BACH2: variants seen among roughly 807,000 people sequenced by gnomAD.
BACH2 encodes transcription regulator protein BACH2.
Under a neutral mutation model 61.8 loss-of-function variants are expected in BACH2, and 5 were observed. The ratio of observed to expected loss-of-function variants is 0.08; its 90% CI spans 0.04 to 0.17. BACH2 has a LOEUF of 0.17. Ranked by LOEUF, BACH2 falls within the 10% of genes least tolerant of loss-of-function variation. The pLI is 1.00. For synonymous variants in BACH2, 446 were observed against 440.1 expected (o/e 1.01, Z -0.17); for missense variants, 824 against 1,091.1 (o/e 0.76, Z 3.45).
At chr6:90,179,809 T>C (rs1020815657) in intron 4 of BACH2, among the ~76,000 whole-genome samples, 33 of 152,230 alleles carry the variant, frequency 2.2e-4, no homozygotes, top group Non-Finnish European at 4.1e-4. Context: ...GCAATCCCAC[T>C]CCTGGGAACC....
In BACH2 at chr6:90,082,670, C is replaced by T. The variant is rs9451346; in HGVS notation, c.-13+6291G>A. Among the ~76,000 whole-genome samples, 1,085 of 152,248 alleles carry T rather than the reference C, an allele frequency of 7.1e-3. 16 individuals carry two copies. The highest frequency in any genetic ancestry group is 0.023 in the African/African-American group (969 of 41,546). On this transcript the variant is annotated intron_variant, in intron 5 of 8. Transcript: ENST00000257749. ...CCAGATTATAGGTAATTTATCTCTA[C>T]CTTTATTCAATTTTCTGCTATTTTA...
chr6:90,101,492 C>CTTTCCTCATCAAAT (rs1782625717), intron 4 of BACH2, among the ~76,000 whole-genome samples: 1 of 152,296 alleles, frequency 6.6e-6, no homozygotes, highest in South Asian at 2.1e-4. Flanking sequence ...GTTGAAAAGA[C>CTTTCCTCATCAAAT]TGTTCTTTCC....
At chr6:90,229,736 T>C (rs1770033843) in intron 3 of BACH2, among the ~76,000 whole-genome samples, 1 of 152,244 alleles carries the variant, frequency 6.6e-6, no homozygotes, top group Non-Finnish European at 1.5e-5. Flanking sequence ...TGGTGTAGCA[T>C]ACAGTCTTTA....
chr6:90,189,532 C>T (rs1329958291), intron 4 of BACH2, among the ~76,000 whole-genome samples: 1 of 146,990 alleles, frequency 6.8e-6, no homozygotes, highest in African/African-American at 2.5e-5. Context: ...GGCGTGAACC[C>T]GGGAAGCGGA....
chr6:89,952,437 C>T (rs1379675164), intron 6 of BACH2, among the ~76,000 whole-genome samples: 1 of 152,312 alleles, frequency 6.6e-6, no homozygotes, highest in African/African-American at 2.4e-5. Context: ...CTACTTGAGA[C>T]TTTCGGTCAT....
In BACH2 at chr6:90,018,976, G is replaced by A. The variant is rs1301140513; in HGVS notation, c.-12-10120C>T. On this transcript the variant is annotated intron_variant, in intron 5 of 8. Coordinates refer to ENST00000257749, the MANE Select transcript of BACH2 (RefSeq NM_021813.4). ...GGCTTCTTATTAGTCCTTCATTTTC[G>A]TGGAATGTTTTCAGGATTTTCTTAT... 4.6e-5 allele frequency among the ~76,000 whole-genome samples: 7 copies of A among 152,052 alleles called. No individual in the cohort carries two copies. The South Asian group carries it at 6.2e-4, about 14-fold the overall frequency.
intron 4 of BACH2, among the ~76,000 whole-genome samples, chr6:90,145,406 T>C (rs1354221732): frequency 6.6e-6 from 1 of 152,242 alleles, no homozygotes; most frequent in African/African-American, 2.4e-5. Flanking sequence ...GCTTGGGTAA[T>C]ATAAAGCATT....
chr6:90,285,394 G>A (rs1771989527), intron 1 of BACH2, among the ~76,000 whole-genome samples: 1 of 152,160 alleles, frequency 6.6e-6, no homozygotes, highest in Admixed American at 6.5e-5. Context: ...AGTGGGTCAG[G>A]TTTCAGTTAC....
At chr6:90,029,992 G>A (rs755990853) in intron 5 of BACH2, among the ~76,000 whole-genome samples, 3 of 152,204 alleles carry the variant, frequency 2.0e-5, no homozygotes, top group Non-Finnish European at 4.4e-5. Flanking sequence ...TGAGTAGAAG[G>A]TCTTGAGTGT....
chr6:90,155,442 G>A (rs1247003011), intron 4 of BACH2, among the ~76,000 whole-genome samples: 1 of 152,226 alleles, frequency 6.6e-6, no homozygotes, highest in African/African-American at 2.4e-5. Flanking sequence ...ACCTGAGAAT[G>A]CCATGCAAGG....
At chr6:90,220,890 C>T (rs985104960) in intron 3 of BACH2, among the ~76,000 whole-genome samples, 3 of 152,184 alleles carry the variant, frequency 2.0e-5, no homozygotes, top group Non-Finnish European at 4.4e-5. Flanking sequence ...CATTTTATTA[C>T]AGGTATTTGT....
At chr6:90,129,176 A>G (rs1250267490) in intron 4 of BACH2, among the ~76,000 whole-genome samples, 1 of 152,170 alleles carries the variant, frequency 6.6e-6, no homozygotes, top group African/African-American at 2.4e-5. Context: ...TATGTAACAA[A>G]CCTGCACGTT....
chr6:90,053,829 C>T (rs1780175236), intron 5 of BACH2, among the ~76,000 whole-genome samples: 1 of 152,108 alleles, frequency 6.6e-6, no homozygotes, highest in Non-Finnish European at 1.5e-5. Flanking sequence ...GTCTGTTTTC[C>T]CTATGGCTCC....
intron 5 of BACH2, among the ~76,000 whole-genome samples, chr6:90,055,192 T>A (rs548533231): frequency 2.0e-5 from 3 of 152,096 alleles, no homozygotes; most frequent in African/African-American, 7.2e-5. Context: ...AGGAGGAGCT[T>A]TGAACCAATG....
At chr6:90,211,889 G>A (rs1163561388) in intron 3 of BACH2, among the ~76,000 whole-genome samples, 2 of 152,212 alleles carry the variant, frequency 1.3e-5, no homozygotes, top group Non-Finnish European at 2.9e-5. Context: ...AGGCCAGTCT[G>A]TGGGATGGAC....
At chr6:89,941,620 T>C (rs1191506506) in intron 7 of BACH2, among the ~76,000 whole-genome samples, 1 of 152,204 alleles carries the variant, frequency 6.6e-6, no homozygotes, top group Non-Finnish European at 1.5e-5. Flanking sequence ...CTTATACCCG[T>C]TGGATAACAA....
chr6:90,294,473 C>T (rs753679594), intron 1 of BACH2, among the ~76,000 whole-genome samples: 3 of 152,142 alleles, frequency 2.0e-5, no homozygotes, highest in Non-Finnish European at 4.4e-5. Flanking sequence ...GAAGGGAAAA[C>T]ATTTCAGCCA....
At chr6:90,282,338 G>T (rs572419204) in intron 1 of BACH2, among the ~76,000 whole-genome samples, 6 of 152,028 alleles carry the variant, frequency 3.9e-5, no homozygotes, top group African/African-American at 2.4e-5. Context: ...CTCAGTGTCC[G>T]TTGTTCCCCT....
At chr6:90,010,164 G>T (rs774019322) in intron 5 of BACH2, among the ~76,000 whole-genome samples, 50 of 152,250 alleles carry the variant, frequency 3.3e-4, no homozygotes, top group Middle Eastern at 3.4e-3. Context: ...GATTGTGTAT[G>T]TAACTGTGAA....
Sources: gnomAD v4.1 joint callset for allele counts (sites outside exome capture counted in the v4.1 genomes callset) on GRCh38, gnomAD v4.1.1 for gene constraint, MANE v1.5 for transcripts, NCBI Gene and HGNC (gene_info 2026-07-23, HGNC 2026-07-21) for gene names.